GAB1: variants seen among roughly 807,000 people sequenced by gnomAD.
GAB1 encodes GRB2-associated-binding protein 1.
Under a neutral mutation model 66.5 loss-of-function variants are expected in GAB1, and 19 were observed. That is an observed-to-expected ratio of 0.29 (90% CI 0.20 to 0.42). The LOEUF (loss-of-function observed/expected upper bound fraction) is 0.42, where lower values mean the gene tolerates loss of function less well. Ranked by LOEUF, GAB1 falls within the 10% of genes least tolerant of loss-of-function variation. The pLI is 1.00. For synonymous variants in GAB1, 294 were observed against 301.4 expected, an observed-to-expected ratio of 0.98 and a Z score of 0.25; for missense variants, 732 against 858.5, an observed-to-expected ratio of 0.85 and a Z score of 1.84.
chr4:143,466,825 T>C (rs1735817452), intron 9 of GAB1, among the ~76,000 whole-genome samples: 1 of 152,148 alleles, frequency 6.6e-6, no homozygotes, highest in Admixed American at 6.6e-5. Context: ...ACCAGTCTAG[T>C]GTCTTTACTC....
intron 1 of GAB1, among the ~76,000 whole-genome samples, chr4:143,345,661 G>A (rs1490549705): frequency 1.3e-5 from 2 of 152,210 alleles, no homozygotes; most frequent in African/African-American, 4.8e-5. Flanking sequence ...AGAAAAGTGA[G>A]AGGAGGCCAT....
At chr4:143,385,339 C>T (rs1461148866) in intron 1 of GAB1, among the ~76,000 whole-genome samples, 3 of 152,122 alleles carry the variant, frequency 2.0e-5, no homozygotes, top group Non-Finnish European at 4.4e-5. Context: ...GTCTGTAGCC[C>T]TGGAACAGTG....
intron 1 of GAB1, chr4:143,349,661 G>A: frequency 1.3e-6 from 2 of 1,489,130 alleles, no homozygotes; most frequent in Non-Finnish European, 1.8e-6. Context: ...TAGCCTCTGT[G>A]CACGGGGACA....
At chr4:143,423,637 C>T (rs563028941) in intron 2 of GAB1, among the ~76,000 whole-genome samples, 101 of 150,884 alleles carry the variant, frequency 6.7e-4, no homozygotes, top group African/African-American at 1.4e-3. Context: ...ATTAGCCAGG[C>T]GTGGTGGCAG....
rs763407887 is a variant in GAB1 at position 143,471,594 on chromosome 4, A to G, written c.*2405A>G. The G allele has an allele frequency of 5.9e-5, 9 of 152,206 alleles. No homozygotes were observed. The highest frequency in any genetic ancestry group is 1.2e-4 in the Non-Finnish European group (8 of 68,020). 9.4% of individuals were successfully genotyped at this position (152,206 alleles called of 1,614,324 possible). On this transcript the variant is annotated 3_prime_UTR_variant, in exon 10 of 10. Coordinates refer to ENST00000262994, the MANE Select transcript of GAB1 (RefSeq NM_002039.4). ...TTCTGAATAACACAAATGTGGAGTTATACATAGTTGATGAAACCAGCAGCC... is the reference window on the plus strand; with the variant it reads ...TTCTGAATAACACAAATGTGGAGTTGTACATAGTTGATGAAACCAGCAGCC...
chr4:143,364,168 A>G (rs898995787), intron 1 of GAB1, among the ~76,000 whole-genome samples: 2 of 151,296 alleles, frequency 1.3e-5, no homozygotes, highest in African/African-American at 4.9e-5. Context: ...AGCCTGGGCT[A>G]CAAGAGGGAA....
chr4:143,434,222 A>G, intron 3 of GAB1: 2 of 842,424 alleles, frequency 2.4e-6, no homozygotes, highest in Non-Finnish European at 1.7e-6. Flanking sequence ...CATAAGGTAA[A>G]ATCCCAATAT....
chr4:143,444,021 C>T (rs549837858), intron 6 of GAB1, among the ~76,000 whole-genome samples: 91 of 152,172 alleles, frequency 6.0e-4, no homozygotes, highest in African/African-American at 2.1e-3. Context: ...TTAAGAGAAA[C>T]GTATTTTAAG....
At chr4:143,384,528 G>A (rs937311360) in intron 1 of GAB1, among the ~76,000 whole-genome samples, 3 of 152,180 alleles carry the variant, frequency 2.0e-5, no homozygotes, top group Non-Finnish European at 4.4e-5. Flanking sequence ...GGCTGTGGCC[G>A]TCAGGGAAAT....
At chr4:143,394,534 AGAAAACTGAT>A (rs1177975314) in intron 1 of GAB1, among the ~76,000 whole-genome samples, 1 of 152,212 alleles carries the variant, frequency 6.6e-6, no homozygotes, top group Non-Finnish European at 1.5e-5. Flanking sequence ...GTGTTCCCTC[AGAAAACTGAT>A]CACATGTATA....
chr4:143,364,774 T>C lies in GAB1; in HGVS notation c.72+27514T>C, dbSNP rs564529208. ...GTTCACTCCCCGCGTCCCACATCAA[T>C]GCCAGTCAACTCTGGCCTGCACTAG... On this transcript the variant is annotated intron_variant, in intron 1 of 9. Coordinates refer to ENST00000262994, the MANE Select transcript of GAB1 (RefSeq NM_002039.4). 1.8e-4 allele frequency among the ~76,000 whole-genome samples: 27 copies of C among 151,602 alleles called. No individual in the cohort carries two copies. In the South Asian group the frequency reaches 1.9e-3, roughly 11 times the overall value.
rs1052809959 is a variant in GAB1 at position 143,433,992 on chromosome 4, A to T, written c.593+276A>T. 5.7e-6 allele frequency: 4 copies of T among 698,492 alleles called. No individual in the cohort carries two copies. In the Admixed American group the frequency reaches 1.2e-4, roughly 21 times the overall value. The allele number at this position is 698,492 out of a possible 1,614,324, so 43.3% of individuals were successfully genotyped here. On this transcript the variant is annotated intron_variant, in intron 3 of 9. Coordinates refer to ENST00000262994, the MANE Select transcript of GAB1 (RefSeq NM_002039.4). ...TTTGGAAATCTGTCTCCTATTTTGT[A>T]GTCTTTGTTACAGACTCACAGTATT...
At position 143,446,747 on chromosome 4, in the gene GAB1, C is replaced by G. The variant is rs566344227; in HGVS notation, c.1585+6365C>G. On this transcript the variant is annotated intron_variant, in intron 6 of 9. Transcript: ENST00000262994. ...AATTTTCTCCCATTTTGTAAGTTGC[C>G]TGTTCACTCTGATGGTAGTTTCTTT... Among the ~76,000 whole-genome samples, 463 of 152,122 alleles carry G rather than the reference C, an allele frequency of 3.0e-3. 4 individuals carry two copies. Among genetic ancestry groups the G allele is most frequent in the Admixed American group, 5.8e-3 (89 of 15,272 alleles).
At chr4:143,465,969 T>C (rs1264342349) in intron 8 of GAB1, 134 bp from the exon 9 acceptor site, 1 of 866,574 alleles carries the variant, frequency 1.2e-6, no homozygotes, top group Non-Finnish European at 1.8e-6. Flanking sequence ...TTTCTTTCTA[T>C]CCTAAAAGGT....
intron 6 of GAB1, among the ~76,000 whole-genome samples, chr4:143,448,605 G>A (rs555473830): frequency 2.0e-5 from 3 of 151,616 alleles, no homozygotes; most frequent in South Asian, 4.2e-4. Context: ...TTCTCTGATG[G>A]TAGTTTGTAT....
chr4:143,466,272 A>G (rs773699089), intron 9 of GAB1, 47 bp downstream of exon 9: 3 of 1,563,814 alleles, frequency 1.9e-6, no homozygotes, highest in South Asian at 2.3e-5. Context: ...GTTAGTTCAC[A>G]CTTCAAACCT....
intron 1 of GAB1, among the ~76,000 whole-genome samples, chr4:143,376,372 T>TA (rs1234751348): frequency 6.6e-6 from 1 of 152,154 alleles, no homozygotes; most frequent in Non-Finnish European, 1.5e-5. Context: ...GCAGCACTAC[T>TA]AAAAAAGAAT....
At position 143,468,208 on chromosome 4, in the gene GAB1, CTTTTTTT is replaced by C. The variant is rs780138131; in HGVS notation, c.1927-804_1927-798del. Among the ~76,000 whole-genome samples the C allele has an allele frequency of 3.9e-4, 27 of 70,056 alleles. No individual in the cohort carries two copies. In the East Asian group the frequency reaches 6.2e-3, roughly 16 times the overall value. 46.0% of individuals were successfully genotyped at this position (70,056 alleles called of 152,430 possible). On this transcript the variant is annotated intron_variant, in intron 9 of 9. Transcript: ENST00000262994. ...TGTCATGGAAGCATTAGTTTGAATT[CTTTTTTT>C]TTTTTTTTTTTTTTTTTTGGACGGA...
intron 6 of GAB1, among the ~76,000 whole-genome samples, chr4:143,446,167 C>T (rs1437861652): frequency 2.0e-5 from 3 of 151,922 alleles, no homozygotes; most frequent in Non-Finnish European, 4.4e-5. Flanking sequence ...TGTATATGTG[C>T]CACATTTTCT....
Sources: allele counts gnomAD v4.1 joint callset (sites outside exome capture counted in the v4.1 genomes callset), GRCh38; gene constraint gnomAD v4.1.1; transcripts MANE v1.5; gene names NCBI Gene and HGNC (gene_info 2026-07-23, HGNC 2026-07-21).